ANAPC1: variants seen among roughly 807,000 people sequenced by gnomAD.
ANAPC1 encodes anaphase promoting complex subunit 1, also known as anaphase-promoting complex subunit 1.
In ANAPC1, 36 loss-of-function variants were observed where a neutral mutation model predicts 208.0. That is an observed-to-expected ratio of 0.17 (90% confidence interval 0.13 to 0.23). ANAPC1 has a LOEUF of 0.23. Among genes scored for constraint, ANAPC1 ranks in the 10% least tolerant of loss-of-function variants. ANAPC1 has a pLI of 1.00. For missense variants in ANAPC1, 942 were observed against 2,011.6 expected (o/e 0.47, Z 10.17); for synonymous variants, 378 against 695.2 (o/e 0.54, Z 7.18).
chr2:111,823,104 GGTTC>G (rs1215874771), intron 24 of ANAPC1, among the ~76,000 whole-genome samples: 9 of 141,626 alleles, frequency 6.4e-5, no homozygotes, highest in African/African-American at 2.4e-4. Context: ...CCTCCTCCCG[GGTTC>G]ACGCCATTCT....
At chr2:111,875,439 A>C (rs1049662163) in intron 3 of ANAPC1, among the ~76,000 whole-genome samples, 1 of 152,174 alleles carries the variant, frequency 6.6e-6, no homozygotes, top group Non-Finnish European at 1.5e-5. Context: ...CTAAAAGTAA[A>C]TATTTTAACA....
chr2:111,830,130 T>TA (rs1680055740), intron 21 of ANAPC1, among the ~76,000 whole-genome samples: 2 of 150,884 alleles, frequency 1.3e-5, no homozygotes, highest in African/African-American at 4.9e-5. Flanking sequence ...AAGGGAGGAG[T>TA]AACGCTAATC....
chr2:111,876,281 A>G (rs1683022989), intron 3 of ANAPC1, among the ~76,000 whole-genome samples: 1 of 150,806 alleles, frequency 6.6e-6, no homozygotes, highest in African/African-American at 2.4e-5. Flanking sequence ...AAAAAAAAAT[A>G]CTTGCAGGAT....
intron 26 of ANAPC1, among the ~76,000 whole-genome samples, chr2:111,820,707 T>C (rs1471611524): frequency 2.8e-5 from 4 of 140,750 alleles, no homozygotes; most frequent in Non-Finnish European, 6.2e-5. Flanking sequence ...TGGAATGTCA[T>C]AGGCATGTGA....
At chr2:111,790,144 A>G in intron 38 of ANAPC1, among the ~76,000 whole-genome samples, 1 of 152,188 alleles carries the variant, frequency 6.6e-6, no homozygotes, top group Non-Finnish European at 1.5e-5. Context: ...GGTCACACAC[A>G]CTACAGCTAA....
intron 10 of ANAPC1, among the ~76,000 whole-genome samples, chr2:111,859,328 C>A (rs1319152437): frequency 6.6e-6 from 1 of 151,928 alleles, no homozygotes; most frequent in Non-Finnish European, 1.5e-5. Context: ...ACTAAAAATA[C>A]AAAATTAGCC....
chr2:111,831,846 A>AAAAG (rs4019125), intron 20 of ANAPC1, among the ~76,000 whole-genome samples: 1,869 of 87,992 alleles, frequency 0.021, 366 homozygotes, highest in African/African-American at 0.024. Context: ...AAAAAAAAAA[A>AAAAG]GAATAACGTT....
intron 42 of ANAPC1, among the ~76,000 whole-genome samples, chr2:111,783,057 C>T (rs924759091): frequency 6.6e-6 from 1 of 151,900 alleles, no homozygotes; most frequent in Non-Finnish European, 1.5e-5. Flanking sequence ...AATAACTGCA[C>T]GTGATTATTT....
intron 34 of ANAPC1, 83 bp from the exon 35 acceptor site, chr2:111,794,977 T>C: frequency 7.9e-7 from 1 of 1,262,886 alleles, no homozygotes; most frequent in Non-Finnish European, 1.1e-6. Flanking sequence ...ACATACTGCT[T>C]ATCATGGCTA....
At chr2:111,864,329 AGATGATGATGATGATGATGATGATGAT>A (rs200879980) in intron 8 of ANAPC1, among the ~76,000 whole-genome samples, 1 of 110,702 alleles carries the variant, frequency 9.0e-6, no homozygotes, top group Admixed American at 1.1e-4. Flanking sequence ...CTGTCTCTAG[AGATGATGATGATGATGATGATGATGAT>A]GATGATGATG....
chr2:111,794,944 A>C (rs779907533), intron 34 of ANAPC1, 50 bp from the exon 35 acceptor site: 5 of 1,002,036 alleles, frequency 5.0e-6, no homozygotes, highest in Non-Finnish European at 7.4e-6. Flanking sequence ...TCTCATTACA[A>C]ATATTTAATA....
chr2:111,843,856 G>A (rs1228343633), intron 16 of ANAPC1, among the ~76,000 whole-genome samples: 54 of 115,332 alleles, frequency 4.7e-4, no homozygotes, highest in Non-Finnish European at 7.4e-4. Context: ...AGGGTGTCTC[G>A]CTCTGTTGCC....
intron 26 of ANAPC1, 124 bp downstream of exon 26, chr2:111,821,115 G>C: frequency 2.9e-6 from 2 of 681,868 alleles, no homozygotes; most frequent in Non-Finnish European, 5.0e-6. Context: ...ATTTTCACTT[G>C]AAAGTATCTT....
At chr2:111,771,763 C>A (rs1573289187) in intron 47 of ANAPC1, among the ~76,000 whole-genome samples, 1 of 151,524 alleles carries the variant, frequency 6.6e-6, no homozygotes, top group Non-Finnish European at 1.5e-5. Context: ...ATGGAACAAT[C>A]TTTGCCCTTA....
Position 111,834,861 on chromosome 2 carries a change from A to G in ANAPC1, c.2127T>C (p.Tyr709=), listed in dbSNP as rs1412294280. ...SETGSDDDWE[Y]LLNSDYHQNV... ...TCTGGTGGTAGTCTGAATTTAGTAA[A>G]TATTCCCAGTCCTGAGAAGAATAAA... Residue 709 remains tyrosine, a synonymous_variant, in exon 19 of 48, where the codon TAT becomes TAC. Coordinates refer to ENST00000341068, the MANE Select transcript of ANAPC1 (RefSeq NM_022662.4). The G allele has an allele frequency of 3.1e-6, 5 of 1,596,398 alleles. No homozygotes were observed. The highest frequency in any genetic ancestry group is 4.3e-6 in the Non-Finnish European group (5 of 1,173,308).
intron 13 of ANAPC1, among the ~76,000 whole-genome samples, chr2:111,852,532 T>C (rs1229356379): frequency 6.6e-6 from 1 of 152,180 alleles, no homozygotes; most frequent in African/African-American, 2.4e-5. Context: ...GTGAAAATTT[T>C]GAATGTCCCT....
chr2:111,789,775 A>T (rs1183594574), intron 38 of ANAPC1, among the ~76,000 whole-genome samples: 16 of 152,258 alleles, frequency 1.1e-4, no homozygotes, highest in Non-Finnish European at 1.5e-5. Flanking sequence ...ATCACTAGAA[A>T]AGCAGTAGCA....
At chr2:111,824,560 A>ATT (rs906165658) in intron 24 of ANAPC1, among the ~76,000 whole-genome samples, 1 of 152,006 alleles carries the variant, frequency 6.6e-6, no homozygotes, top group African/African-American at 2.4e-5. Context: ...TCAAAAGTGC[A>ATT]TTTATCCTTC....
chr2:111,843,888 G>A (rs76814642), intron 16 of ANAPC1, among the ~76,000 whole-genome samples: 10,180 of 141,710 alleles, frequency 0.072, 544 homozygotes, highest in South Asian at 0.21. Context: ...GCTGTGGCAC[G>A]GTCTTGGCAC....
Sources: allele counts gnomAD v4.1 joint callset (sites outside exome capture counted in the v4.1 genomes callset), GRCh38; gene constraint gnomAD v4.1.1; transcripts MANE v1.5; gene names NCBI Gene and HGNC (gene_info 2026-07-23, HGNC 2026-07-21).